Variants in SUMF1 observed in about 807,000 individuals in gnomAD.
SUMF1 encodes the protein sulfatase modifying factor 1.
SUMF1 carries 48 observed loss-of-function variants against 47.6 expected under a neutral mutation model. That is an observed-to-expected ratio of 1.01 (90% CI 0.80 to 1.28). SUMF1 has a LOEUF of 1.28. SUMF1 is among the 50% of genes most tolerant of loss of function. SUMF1 has a pLI of 0.00. For missense variants in SUMF1, 571 were observed against 485.4 expected, an observed-to-expected ratio of 1.18 and a Z score of -1.66; for synonymous variants, 230 against 192.1, an observed-to-expected ratio of 1.20 and a Z score of -1.63.
At chr3:4,139,807 A>G (rs946428386) in intron 8 of SUMF1, among the ~76,000 whole-genome samples, 1 of 151,864 alleles carries the variant, frequency 6.6e-6, no homozygotes, top group Non-Finnish European at 1.5e-5. Flanking sequence ...CAGGATCTCC[A>G]TCTTTTCTTG....
Position 4,417,173 on chromosome 3 carries a change from A to C in SUMF1, c.795T>G (p.Phe265Leu). ...CATCCTCACCAGTGTTGGTCACCGG[A>C]AACTCGCCCTGCCAAATGTTGGCAT... is the stretch of plus-strand genomic sequence containing the variant. ...QHYANIWQGE[F>L]PVTNTGEDGF... is the part of the protein sequence containing the mutation. The change falls in exon 6 of 9, where the codon TTT becomes TTG. Residue 265 changes from phenylalanine (F) to leucine (L), a missense_variant. Transcript: ENST00000272902. 6.2e-7 allele frequency: 1 copy of C among 1,613,986 alleles called. No individual in the cohort carries two copies. The highest frequency in any genetic ancestry group is 8.5e-7 in the Non-Finnish European group (1 of 1,179,912).
chr3:4,458,931 A>T (rs976116764), intron 1 of SUMF1, among the ~76,000 whole-genome samples: 1 of 152,192 alleles, frequency 6.6e-6, no homozygotes, highest in Non-Finnish European at 1.5e-5. Context: ...GCTATGTGAA[A>T]TGAGCCAAGC....
chr3:4,422,607 G>C (rs963711030), intron 3 of SUMF1, among the ~76,000 whole-genome samples: 3 of 151,852 alleles, frequency 2.0e-5, no homozygotes, highest in Non-Finnish European at 4.4e-5. Flanking sequence ...TCTTAAAAGA[G>C]TTTGTGGCTT....
At chr3:4,110,350 T>C (rs59652788) in intron 8 of SUMF1, among the ~76,000 whole-genome samples, 22,674 of 151,952 alleles carry the variant, frequency 0.15, 3,626 homozygotes, top group African/African-American at 0.39. Context: ...GGATGCCTCC[T>C]AGTTAGGCTA....
chr3:4,264,788 T>A (rs989132217), intron 8 of SUMF1, among the ~76,000 whole-genome samples: 1 of 152,116 alleles, frequency 6.6e-6, no homozygotes, highest in Non-Finnish European at 1.5e-5. Flanking sequence ...TCAGACATTG[T>A]TAACAGCAGC....
At chr3:4,061,260 G>A (rs1312215609) in intron 9 of SUMF1, among the ~76,000 whole-genome samples, 1 of 152,048 alleles carries the variant, frequency 6.6e-6, no homozygotes, top group Non-Finnish European at 1.5e-5. Context: ...AGTGGAGAAA[G>A]TTAGAATTGT....
rs1407665138 is a variant in SUMF1 at position 4,327,936 on chromosome 3, C to G, written c.1014+48394G>C. On this transcript the variant is annotated intron_variant and NMD_transcript_variant, in intron 8 of 12. Transcript: ENST00000448413. ...TCAAGGATTTTAAAAGCAAAAACCA[C>G]TGCACTCAGCAGCTCACACTTGTAA... Among the ~76,000 whole-genome samples, 3 of 152,202 alleles carry G rather than the reference C, an allele frequency of 2.0e-5. No individual in the cohort carries two copies. In the East Asian group the frequency reaches 5.8e-4, roughly 29 times the overall value.
intron 8 of SUMF1, among the ~76,000 whole-genome samples, chr3:4,193,914 G>T (rs1391294104): frequency 6.6e-6 from 1 of 152,122 alleles, no homozygotes; most frequent in Non-Finnish European, 1.5e-5. Flanking sequence ...TATATGACAT[G>T]TAAGAATGAA....
intron 8 of SUMF1, among the ~76,000 whole-genome samples, chr3:4,076,695 G>C (rs778098428): frequency 2.0e-5 from 3 of 152,126 alleles, no homozygotes; most frequent in Non-Finnish European, 2.9e-5. Flanking sequence ...GATATGAACA[G>C]ATACTTCTCA....
chr3:4,263,869 T>C (rs1697136155), intron 8 of SUMF1, among the ~76,000 whole-genome samples: 1 of 152,180 alleles, frequency 6.6e-6, no homozygotes. Flanking sequence ...ACCCTGACGA[T>C]TGCAATTGAG....
At chr3:4,353,193 G>A (rs190751509) in intron 8 of SUMF1, among the ~76,000 whole-genome samples, 3 of 152,302 alleles carry the variant, frequency 2.0e-5, no homozygotes, top group African/African-American at 7.2e-5. Context: ...GAGGCCGGGA[G>A]CTTAAGACCA....
chr3:4,310,926 T>C (rs1258785402), intron 8 of SUMF1, among the ~76,000 whole-genome samples: 2 of 152,224 alleles, frequency 1.3e-5, no homozygotes, highest in African/African-American at 4.8e-5. Flanking sequence ...AGTAACCATT[T>C]ACATTTGAAC....
intron 8 of SUMF1, among the ~76,000 whole-genome samples, chr3:4,171,105 C>T (rs1435345560): frequency 6.6e-6 from 1 of 152,152 alleles, no homozygotes; most frequent in Non-Finnish European, 1.5e-5. Context: ...TTATTCGATG[C>T]CCTTAAGGAG....
chr3:4,272,791 G>C (rs971252727), intron 8 of SUMF1, among the ~76,000 whole-genome samples: 1 of 152,068 alleles, frequency 6.6e-6, no homozygotes, highest in African/African-American at 2.4e-5. Context: ...TTTACCATAT[G>C]GGCCAAGTAC....
chr3:4,073,799 T>C (rs1355792711), intron 8 of SUMF1, among the ~76,000 whole-genome samples: 1 of 152,114 alleles, frequency 6.6e-6, no homozygotes, highest in South Asian at 2.1e-4. Flanking sequence ...CTATCCTAAA[T>C]ATACATGCAC....
intron 8 of SUMF1, among the ~76,000 whole-genome samples, chr3:4,150,247 C>A (rs984103566): frequency 6.1e-5 from 9 of 147,422 alleles, no homozygotes; most frequent in Non-Finnish European, 1.2e-4. Context: ...GGGTGTGCCA[C>A]CATACTAGCT....
At chr3:4,122,594 G>A (rs1411997781) in intron 8 of SUMF1, among the ~76,000 whole-genome samples, 2 of 152,134 alleles carry the variant, frequency 1.3e-5, no homozygotes, top group East Asian at 3.9e-4. Flanking sequence ...CATGTCCACT[G>A]ATATGAGAAA....
At chr3:4,143,574 G>C (rs147378533) in intron 8 of SUMF1, among the ~76,000 whole-genome samples, 2 of 152,018 alleles carry the variant, frequency 1.3e-5, no homozygotes, top group Non-Finnish European at 2.9e-5. Flanking sequence ...ATAATCAAAC[G>C]ATATTCATGA....
At chr3:4,270,817 T>C (rs1182085840) in intron 8 of SUMF1, among the ~76,000 whole-genome samples, 1 of 152,200 alleles carries the variant, frequency 6.6e-6, no homozygotes, top group Non-Finnish European at 1.5e-5. Flanking sequence ...GGTTATTTGG[T>C]TTTCACTTTG....
Sources: allele counts gnomAD v4.1 joint callset (sites outside exome capture counted in the v4.1 genomes callset), GRCh38; gene constraint gnomAD v4.1.1; transcripts MANE v1.5; gene names NCBI Gene and HGNC (gene_info 2026-07-23, HGNC 2026-07-21).